SPATA19: variants seen among roughly 807,000 people sequenced by gnomAD.
SPATA19 encodes the protein spermatogenesis-associated protein 19, mitochondrial.
A neutral mutation model predicts 25.0 loss-of-function variants in SPATA19; 19 were observed. The ratio of observed to expected loss-of-function variants is 0.76; its 90% CI spans 0.53 to 1.11. The LOEUF is 1.11. SPATA19 is among the 50% of genes most tolerant of loss of function. The pLI, the probability that SPATA19 is intolerant of heterozygous loss-of-function variation, is 0.00. For missense variants in SPATA19, 222 were observed against 211.4 expected (o/e 1.05, Z -0.31); for synonymous variants, 64 against 69.3 (o/e 0.92, Z 0.38).
chr11:133,844,315 G>T lies in SPATA19; in HGVS notation c.290C>A (p.Ser97Tyr). The change falls in exon 4 of 7, where the codon TCT becomes TAT. Residue 97 changes from serine (S) to tyrosine (Y), a missense_variant. Physicochemically the swap from Ser to Tyr is moderately radical, Grantham distance 144. Transcript: ENST00000299140. Reference protein sequence around the residue: ...RDVVKHHLSKSDLLANQSQEV... With the variant: ...RDVVKHHLSKYDLLANQSQEV... ...TTGGCTCTGGTTTGCCAACAAATCA[G>T]ACTTAGAGAGGTGGTGCTTCACCTG... 1.2e-6 allele frequency: 2 copies of T among 1,614,150 alleles called. No individual in the cohort carries two copies. Among genetic ancestry groups the T allele is most frequent in the South Asian group, 1.1e-5 (1 of 91,068 alleles).
Position 133,845,363 on chromosome 11 carries a change from G to A in SPATA19, c.78+6C>T. 1 of 1,604,142 alleles carries A rather than the reference G, an allele frequency of 6.2e-7. No homozygotes were observed. The highest frequency in any genetic ancestry group is 8.5e-7 in the Non-Finnish European group (1 of 1,170,998). Reference sequence around the variant, plus strand: ...TATTCCATGTGACTACCACCAAGCTGCTTACCGAACTGGTTATTGGTAGGA... The same window carrying A: ...TATTCCATGTGACTACCACCAAGCTACTTACCGAACTGGTTATTGGTAGGA... On this transcript the variant is annotated splice_donor_region_variant and intron_variant, in intron 1 of 6. Transcript: ENST00000299140.
At chr11:133,844,438 T>G (rs1344690980) in intron 3 of SPATA19, 71 bp downstream of exon 3, 16 of 1,612,616 alleles carry the variant, frequency 9.9e-6, no homozygotes, top group Admixed American at 6.7e-5. Context: ...CAGAATCATT[T>G]ACGGTGCACC....
chr11:133,838,770 C>T (rs1249554079), downstream of SPATA19, among the ~76,000 whole-genome samples: 1 of 152,118 alleles, frequency 6.6e-6, no homozygotes, highest in Non-Finnish European at 1.5e-5. Flanking sequence ...AAAATTTTCG[C>T]AACCTACTCA....
chr11:133,837,925 C>T (rs1322184000), downstream of SPATA19, among the ~76,000 whole-genome samples: 2 of 152,078 alleles, frequency 1.3e-5, no homozygotes, highest in Admixed American at 1.3e-4. Context: ...TCAAAGACAA[C>T]AAGAAAGACA....
chr11:133,840,000 A>T (rs543019444), downstream of SPATA19, among the ~76,000 whole-genome samples: 27 of 152,260 alleles, frequency 1.8e-4, no homozygotes, highest in South Asian at 5.4e-3. Context: ...TAATAACTAT[A>T]CCTAGTCATA....
chr11:133,841,204 G>C (rs1253614050), intron 6 of SPATA19, among the ~76,000 whole-genome samples: 1 of 152,174 alleles, frequency 6.6e-6, no homozygotes, highest in East Asian at 1.9e-4. Context: ...AGCTGAATTG[G>C]AACCCAGCAT....
intron 5 of SPATA19, among the ~76,000 whole-genome samples, 179 bp from the exon 6 acceptor site, chr11:133,842,284 G>A (rs1378061538): frequency 6.6e-6 from 1 of 152,220 alleles, no homozygotes. Context: ...CTGTGCACTG[G>A]CAGACACCAT....
In SPATA19 at chr11:133,840,921, C is replaced by A. The variant is rs1938292169; in HGVS notation, c.*12G>T. On this transcript the variant is annotated splice_region_variant and 3_prime_UTR_variant, in exon 7 of 7. Coordinates refer to ENST00000299140, the MANE Select transcript of SPATA19 (RefSeq NM_174927.3). The stretch of plus-strand genomic sequence containing the variant: ...ACTGTTCTCCGCGTTCCCAAAGCTC[C>A]ATCTAGAGAGCAGAAACCCATGGAA... The A allele has an allele frequency of 1.3e-5, 2 of 152,308 alleles. No homozygotes were observed. Among genetic ancestry groups the A allele is most frequent in the Non-Finnish European group, 2.9e-5 (2 of 68,060 alleles). 9.4% of individuals were successfully genotyped at this position (152,308 alleles called of 1,614,324 possible).
At chr11:133,843,043 T>C (rs994468262) in intron 4 of SPATA19, among the ~76,000 whole-genome samples, 2 of 152,114 alleles carry the variant, frequency 1.3e-5, no homozygotes, top group Non-Finnish European at 2.9e-5. Context: ...TTCCTGACTA[T>C]ATACTTACTG....
intron 1 of SPATA19, 52 bp from the exon 2 acceptor site, chr11:133,845,242 T>TTC: frequency 6.3e-7 from 1 of 1,579,134 alleles, no homozygotes; most frequent in Non-Finnish European, 8.7e-7. Flanking sequence ...AATTCAGCTC[T>TTC]TCCCACCCAG....
At chr11:133,842,412 G>T (rs1281521717) in intron 5 of SPATA19, 73 bp downstream of exon 5, 2 of 1,197,946 alleles carry the variant, frequency 1.7e-6, no homozygotes, top group Non-Finnish European at 2.5e-6. Flanking sequence ...GTGTGGGCGG[G>T]AAACCCAGCA....
Position 133,845,243 on chromosome 11 carries a change from T to TGGCC in SPATA19, c.79-54_79-53insGGCC. ...TCAGAAAACCTAGAAATTCAGCTCT[T>TGGCC]CCCACCCAGCCCCCGCAACTGTTAC... On this transcript the variant is annotated intron_variant, in intron 1 of 6. Coordinates refer to ENST00000299140, the MANE Select transcript of SPATA19 (RefSeq NM_174927.3). 29 of 1,554,934 alleles carry TGGCC rather than the reference T, an allele frequency of 1.9e-5. No individual in the cohort carries two copies. In the East Asian group the frequency reaches 2.3e-4, roughly 12 times the overall value.
chr11:133,836,982 G>A (rs368980561), downstream of SPATA19, among the ~76,000 whole-genome samples: 21 of 152,272 alleles, frequency 1.4e-4, no homozygotes, highest in South Asian at 4.4e-3. Flanking sequence ...TAATATCTAT[G>A]CCAAAGCCTG....
At position 133,845,409 on chromosome 11, in the gene SPATA19, C is replaced by T. The variant is rs184572110; in HGVS notation, c.38G>A (p.Arg13Gln). 58 of 1,614,102 alleles carry T rather than the reference C, an allele frequency of 3.6e-5. No individual in the cohort carries two copies. Among genetic ancestry groups the T allele is most frequent in the Admixed American group, 1.0e-4 (6 of 60,030 alleles). ...TAGGAAGGGAAGCCCTACACCTTTC[C>T]GAGCAAGAATATACACAATCCATGT... ...ITTWIVYILA[R>Q]KGVGLPFLPI... Residue 13 changes from arginine (R) to glutamine (Q), a missense_variant, in exon 1 of 7, where the codon CGG (arginine) becomes CAG (glutamine). Arg to Gln is a conservative substitution (Grantham distance 43, BLOSUM62 1). Coordinates refer to ENST00000299140, the MANE Select transcript of SPATA19 (RefSeq NM_174927.3).
chr11:133,844,281 T>A lies in SPATA19; in HGVS notation c.324A>T (p.Leu108=), dbSNP rs186847464. The A allele has an allele frequency of 6.2e-7, 1 of 1,614,170 alleles. No individual in the cohort carries two copies. Among genetic ancestry groups the A allele is most frequent in the African/African-American group, 1.3e-5 (1 of 75,038 alleles). Reference sequence around the variant, plus strand: ...TGAACTGGATTCGTGTTCTCTCCTCTAGGACCTCTTGGCTCTGGTTTGCCA... The same window carrying A: ...TGAACTGGATTCGTGTTCTCTCCTCAAGGACCTCTTGGCTCTGGTTTGCCA... ...DLLANQSQEV[L]EERTRIQFIR... is the part of the protein sequence containing the mutation. Residue 108 remains leucine (L), a synonymous_variant, in exon 4 of 7, where the codon CTA becomes CTT. Coordinates refer to ENST00000299140, the MANE Select transcript of SPATA19 (RefSeq NM_174927.3).
chr11:133,844,362 G>C (rs1221194076), intron 3 of SPATA19, 25 bp from the exon 4 acceptor site: 1 of 1,613,244 alleles, frequency 6.2e-7, no homozygotes, highest in East Asian at 2.2e-5. Flanking sequence ...GGGTCCATGT[G>C]ATTCCTGCCC....
Position 133,845,473 on chromosome 11 carries a change from T to C in SPATA19, c.-27A>G. ...TTTGAATGTATACCAGGCCCCCTTC[T>C]TGGCTCCCTCCTTCCATTGAAGCTG... On this transcript the variant is annotated 5_prime_UTR_variant, in exon 1 of 7. Transcript: ENST00000299140. 3 of 1,612,986 alleles carry C rather than the reference T, an allele frequency of 1.9e-6. No homozygotes were observed. Among genetic ancestry groups the C allele is most frequent in the Non-Finnish European group, 2.5e-6 (3 of 1,179,410 alleles).
At chr11:133,840,304 C>A (rs186632346), downstream of SPATA19, among the ~76,000 whole-genome samples, 43 of 152,262 alleles carry the variant, frequency 2.8e-4, 1 homozygote, top group Admixed American at 2.8e-3. Context: ...AAAAGGAGTT[C>A]TTCAAAGAGA....
Position 133,845,141 on chromosome 11 carries a change from A to C in SPATA19, c.128T>G (p.Leu43Trp), listed in dbSNP as rs779608133. 9.3e-6 allele frequency: 15 copies of C among 1,612,944 alleles called. No homozygotes were observed. The East Asian group carries it at 3.3e-4, about 36-fold the overall frequency. The change falls in exon 2 of 7, where the codon TTG becomes TGG. Residue 43 changes from leucine to tryptophan, a missense_variant. By Grantham distance (61) the Leu-to-Trp change is moderately conservative. Coordinates refer to ENST00000299140, the MANE Select transcript of SPATA19 (RefSeq NM_174927.3). ...SEAVSVLHHW[L>W]KKTEEEASRG... The stretch of plus-strand genomic sequence containing the variant: ...TAAAGAAATCTTACTCACTTTTTTC[A>C]ACCAATGATGTAGTACAGACACAGC...
Sources: allele counts gnomAD v4.1 joint callset (sites outside exome capture counted in the v4.1 genomes callset), GRCh38; gene constraint gnomAD v4.1.1; transcripts MANE v1.5; gene names NCBI Gene and HGNC (gene_info 2026-07-23, HGNC 2026-07-21).